SLC9B2: variants seen among roughly 807,000 people sequenced by gnomAD.
SLC9B2 encodes sodium/hydrogen exchanger 9B2.
A neutral mutation model predicts 52.2 loss-of-function variants in SLC9B2; 39 were observed. The observed-to-expected ratio is 0.75, with a 90% CI of 0.58 to 0.98. The LOEUF (loss-of-function observed/expected upper bound fraction) is 0.98, where lower values mean the gene tolerates loss of function less well. SLC9B2 is among the 50% of genes least tolerant of loss of function. SLC9B2 has a pLI of 0.00. For synonymous variants in SLC9B2, 214 were observed against 227.0 expected (o/e 0.94, Z 0.51); for missense variants, 626 against 637.5 (o/e 0.98, Z 0.19).
Position 103,023,595 on chromosome 4 carries a change from T to A in SLC9B2, c.*2775A>T, listed in dbSNP as rs1741961256. On this transcript the variant is annotated 3_prime_UTR_variant, in exon 12 of 12. Transcript: ENST00000394785. ...AGCAACATAGTCTTATAGCAATTAA[T>A]AAATTCCTACAAAGAGCTTCCAGGA... Among the ~76,000 whole-genome samples the A allele has an allele frequency of 6.6e-6, 1 of 152,190 alleles. No homozygotes were observed.
downstream of SLC9B2, among the ~76,000 whole-genome samples, chr4:103,021,796 CCAAT>C (rs1321743866): frequency 6.6e-6 from 1 of 152,156 alleles, no homozygotes; most frequent in Admixed American, 6.5e-5. Flanking sequence ...ATCTCAAGTG[CCAAT>C]CACTTTCTAT....
chr4:103,048,890 T>C lies in SLC9B2; in HGVS notation c.713+3A>G. On this transcript the variant is annotated splice_donor_region_variant and intron_variant, in intron 6 of 11. Transcript: ENST00000394785. ...TTTCATATGACAAAGAAACAATCATTACCCCAGTATAAATCCCCATTGCCA... is the reference window on the plus strand; with the variant it reads ...TTTCATATGACAAAGAAACAATCATCACCCCAGTATAAATCCCCATTGCCA... 1 of 1,612,896 alleles carries C rather than the reference T, an allele frequency of 6.2e-7. No homozygotes were observed. The highest frequency in any genetic ancestry group is 8.5e-7 in the Non-Finnish European group (1 of 1,179,440).
intron 6 of SLC9B2, among the ~76,000 whole-genome samples, chr4:103,047,998 A>G (rs1485436525): frequency 6.6e-6 from 1 of 152,180 alleles, no homozygotes; most frequent in Non-Finnish European, 1.5e-5. Flanking sequence ...TTTTAAACAA[A>G]AAAATTCATG....
At chr4:103,061,366 G>A (rs1745624798) in intron 3 of SLC9B2, among the ~76,000 whole-genome samples, 1 of 152,104 alleles carries the variant, frequency 6.6e-6, no homozygotes, top group Admixed American at 6.5e-5. Context: ...GTAGGGACGT[G>A]GATGAAGCTG....
chr4:103,062,088 C>T (rs572547055), intron 3 of SLC9B2, among the ~76,000 whole-genome samples: 2 of 152,296 alleles, frequency 1.3e-5, no homozygotes, highest in East Asian at 3.9e-4. Flanking sequence ...ATAGCATAAA[C>T]CCAAGCTAAT....
chr4:103,026,647 A>G, intron 11 of SLC9B2, 56 bp from the exon 12 acceptor site: 1 of 1,520,036 alleles, frequency 6.6e-7, no homozygotes, highest in Non-Finnish European at 8.9e-7. Context: ...CATATAAAAA[A>G]AGTGAGTTTT....
chr4:103,046,991 C>G, intron 7 of SLC9B2, 60 bp downstream of exon 7: 3 of 1,552,180 alleles, frequency 1.9e-6, no homozygotes, highest in South Asian at 1.2e-5. Context: ...ATGCTTATAA[C>G]ATTTTAACCT....
At chr4:103,045,810 A>G (rs559501789) in intron 7 of SLC9B2, among the ~76,000 whole-genome samples, 4 of 152,292 alleles carry the variant, frequency 2.6e-5, no homozygotes, top group African/African-American at 9.6e-5. Flanking sequence ...GTTCTGATTT[A>G]ATTGTCTAAG....
chr4:103,031,683 C>T lies in SLC9B2; in HGVS notation c.1255+17G>A, dbSNP rs1578440522. The T allele has an allele frequency of 1.9e-6, 3 of 1,597,334 alleles. No homozygotes were observed. The highest frequency in any genetic ancestry group is 2.6e-6 in the Non-Finnish European group (3 of 1,169,136). On this transcript the variant is annotated intron_variant, in intron 10 of 11. Coordinates refer to ENST00000394785, the MANE Select transcript of SLC9B2 (RefSeq NM_178833.7). ...AAAAAAGTGAATTTTAACAAAAGCA[C>T]ATTTTGAAATTCTTACCTACAGTTT... is the stretch of plus-strand genomic sequence containing the variant.
intron 1 of SLC9B2, among the ~76,000 whole-genome samples, chr4:103,071,864 A>G (rs544537698): frequency 6.6e-6 from 1 of 152,198 alleles, no homozygotes; most frequent in Non-Finnish European, 1.5e-5. Flanking sequence ...GCTTTAGAGA[A>G]AAGAAAATGG....
Position 103,023,670 on chromosome 4 carries a change from T to C in SLC9B2, c.*2700A>G, listed in dbSNP as rs530737315. Among the ~76,000 whole-genome samples, 1 of 152,326 alleles carries C rather than the reference T, an allele frequency of 6.6e-6. No homozygotes were observed. Among genetic ancestry groups the C allele is most frequent in the African/African-American group, 2.4e-5 (1 of 41,566 alleles). ...ATAGAGGAAGTCAAAAAGCCAGCAC[T>C]GGGCAGTCACAGAGATTTAGATGGT... is the stretch of plus-strand genomic sequence containing the variant. On this transcript the variant is annotated 3_prime_UTR_variant, in exon 12 of 12. Coordinates refer to ENST00000394785, the MANE Select transcript of SLC9B2 (RefSeq NM_178833.7).
chr4:103,039,284 T>C (rs747875024), intron 9 of SLC9B2, among the ~76,000 whole-genome samples: 17 of 152,214 alleles, frequency 1.1e-4, no homozygotes, highest in Admixed American at 2.6e-4. Context: ...CTGAATGTGT[T>C]CTATGATTAA....
At position 103,057,973 on chromosome 4, in the gene SLC9B2, T is replaced by C; in HGVS notation, c.272-2A>G. ...CCCACAGAAGAACAATGATGGTAAC[T>C]GAAATAAACCAGGAATACTAGTTAC... On this transcript the variant is annotated splice_acceptor_variant, in intron 3 of 11. Coordinates refer to ENST00000394785, the MANE Select transcript of SLC9B2 (RefSeq NM_178833.7). LOFTEE classifies it high-confidence loss of function. The C allele has an allele frequency of 1.2e-6, 2 of 1,604,162 alleles. No individual in the cohort carries two copies. The highest frequency in any genetic ancestry group is 2.2e-5 in the East Asian group (1 of 44,754).
intron 1 of SLC9B2, among the ~76,000 whole-genome samples, chr4:103,069,558 A>G (rs1746438752): frequency 6.6e-6 from 1 of 152,240 alleles, no homozygotes; most frequent in African/African-American, 2.4e-5. Flanking sequence ...CCTGATTATC[A>G]TAAGAAGAAT....
At chr4:103,045,379 C>G (rs1744029794) in intron 7 of SLC9B2, among the ~76,000 whole-genome samples, 1 of 152,074 alleles carries the variant, frequency 6.6e-6, no homozygotes, top group Admixed American at 6.6e-5. Context: ...TAGCTAGGAT[C>G]GCTTTCTACC....
rs757361841 is a variant in SLC9B2 at position 103,028,784 on chromosome 4, A to C, written c.1355T>G (p.Phe452Cys). ...CTTTGGAAGCCATGCAAAAGAAATA[A>C]ATATCTTTTCTTTTAAGTTAAAACC... is the stretch of plus-strand genomic sequence containing the variant. ...FAGFNLKEKIFISFAWLPKAT... is the reference protein window; with the variant it reads ...FAGFNLKEKICISFAWLPKAT... The change falls in exon 11 of 12, where the codon TTT becomes TGT. Residue 452 changes from phenylalanine to cysteine, a missense_variant. By Grantham distance (205) the Phe-to-Cys change is radical. Coordinates refer to ENST00000394785, the MANE Select transcript of SLC9B2 (RefSeq NM_178833.7). 2 of 1,609,542 alleles carry C rather than the reference A, an allele frequency of 1.2e-6. No homozygotes were observed. The highest frequency in any genetic ancestry group is 1.1e-5 in the South Asian group (1 of 90,310).
At chr4:103,072,543 A>G (rs1746755040) in intron 1 of SLC9B2, among the ~76,000 whole-genome samples, 1 of 152,178 alleles carries the variant, frequency 6.6e-6, no homozygotes, top group Non-Finnish European at 1.5e-5. Context: ...GATATTTGTT[A>G]AATGTTCTCT....
At chr4:103,040,519 C>T (rs1743540656) in intron 9 of SLC9B2, among the ~76,000 whole-genome samples, 1 of 152,058 alleles carries the variant, frequency 6.6e-6, no homozygotes, top group African/African-American at 2.4e-5. Flanking sequence ...TGCCTATAAA[C>T]AAAATGGAGT....
At chr4:103,021,316 T>C (rs1234556005), downstream of SLC9B2, among the ~76,000 whole-genome samples, 1 of 152,154 alleles carries the variant, frequency 6.6e-6, no homozygotes, top group Non-Finnish European at 1.5e-5. Flanking sequence ...TCAGGCTGGA[T>C]TTGAGTCAGT....
Sources: gnomAD v4.1 joint callset for allele counts (sites outside exome capture counted in the v4.1 genomes callset) on GRCh38, gnomAD v4.1.1 for gene constraint, MANE v1.5 for transcripts, NCBI Gene and HGNC (gene_info 2026-07-23, HGNC 2026-07-21) for gene names.